FRMD4A: variants seen among roughly 807,000 people sequenced by gnomAD.
FRMD4A encodes the protein FERM domain-containing protein 4A.
Under a neutral mutation model 129.1 loss-of-function variants are expected in FRMD4A, and 29 were observed. The ratio of observed to expected loss-of-function variants is 0.22; its 90% CI spans 0.17 to 0.31. The LOEUF (loss-of-function observed/expected upper bound fraction) is 0.31. Ranked by LOEUF, FRMD4A falls within the 10% of genes least tolerant of loss-of-function variation. FRMD4A has a pLI of 1.00. For missense variants in FRMD4A, 1,272 were observed against 1,375.8 expected (o/e 0.92, Z 1.19); for synonymous variants, 634 against 571.6 (o/e 1.11, Z -1.56).
intron 8 of FRMD4A, among the ~76,000 whole-genome samples, chr10:13,750,069 G>GAAGGAAGAAAGAAAGA (rs1382966135): frequency 1.4e-3 from 80 of 55,638 alleles, no homozygotes; most frequent in South Asian, 4.9e-3. Context: ...AGGAAGGAAG[G>GAAGGAAGAAAGAAAGA]AAGAAAGAAA....
Position 13,738,084 on chromosome 10 carries a change from G to A in FRMD4A, c.673-154C>T, listed in dbSNP as rs149310294. Among the ~76,000 whole-genome samples, 560 of 152,236 alleles carry A rather than the reference G, an allele frequency of 3.7e-3. 3 individuals are homozygous for A. Among genetic ancestry groups the A allele is most frequent in the Non-Finnish European group, 6.3e-3 (429 of 68,030 alleles). ...GTCTACTTTGTTTCTTAACAGATGCGTCTGTCATTGAAGGATACTCTGTTA... is the reference window on the plus strand; with the variant it reads ...GTCTACTTTGTTTCTTAACAGATGCATCTGTCATTGAAGGATACTCTGTTA... On this transcript the variant is annotated intron_variant, in intron 11 of 24. Transcript: ENST00000357447.
Position 14,061,642 on chromosome 10 carries a change from T to A in FRMD4A, c.46-202730A>T, listed in dbSNP as rs192842569. On this transcript the variant is annotated intron_variant, in intron 2 of 24. Coordinates refer to ENST00000357447, the MANE Select transcript of FRMD4A (RefSeq NM_018027.5). ...ACTGATTTCTGATTTCTGTTCAGTG[T>A]CTAGCCCATTCTGGCTAAATGAAAC... is the stretch of plus-strand genomic sequence containing the variant. 1.9e-3 allele frequency among the ~76,000 whole-genome samples: 287 copies of A among 152,302 alleles called. 1 individual carries two copies. The highest frequency in any genetic ancestry group is 5.9e-3 in the African/African-American group (244 of 41,568).
chr10:14,053,435 A>C (rs1328868152), intron 2 of FRMD4A, among the ~76,000 whole-genome samples: 1 of 152,140 alleles, frequency 6.6e-6, no homozygotes, highest in Non-Finnish European at 1.5e-5. Context: ...TTAAAGCTTT[A>C]CTATCAGCAC....
intron 24 of FRMD4A, chr10:13,649,482 TCAGGTGGCTCCTAGAGGAGCCG>T (rs1341110062): frequency 1.6e-5 from 2 of 128,578 alleles, no homozygotes; most frequent in Non-Finnish European, 3.7e-5. Flanking sequence ...GGTTTGGTTC[TCAGGTGGCTCCTAGAGGAGCCG>T]CAGTATGGAA....
chr10:13,927,686 C>G (rs1167031862), intron 2 of FRMD4A, among the ~76,000 whole-genome samples: 1 of 152,194 alleles, frequency 6.6e-6, no homozygotes, highest in East Asian at 1.9e-4. Context: ...AATGCCAGAA[C>G]TATAAATTCT....
chr10:13,794,734 T>C (rs1274339657), intron 5 of FRMD4A, among the ~76,000 whole-genome samples: 2 of 152,220 alleles, frequency 1.3e-5, no homozygotes, highest in African/African-American at 4.8e-5. Context: ...CTAAGGAGTG[T>C]TCTTTGAGGT....
chr10:14,286,467 C>G (rs908912516), intron 2 of FRMD4A, among the ~76,000 whole-genome samples: 1 of 152,060 alleles, frequency 6.6e-6, no homozygotes, highest in African/African-American at 2.4e-5. Context: ...GCTGCTCTTT[C>G]TTAAGTAGTG....
chr10:14,115,142 G>A (rs1311471579), intron 2 of FRMD4A, among the ~76,000 whole-genome samples: 1 of 152,194 alleles, frequency 6.6e-6, no homozygotes, highest in East Asian at 1.9e-4. Context: ...CTGGAAGCTT[G>A]CAGTCTAGAG....
At chr10:13,962,515 ACTCT>A (rs2095452328) in intron 2 of FRMD4A, among the ~76,000 whole-genome samples, 1 of 152,138 alleles carries the variant, frequency 6.6e-6, no homozygotes, top group South Asian at 2.1e-4. Context: ...AAGAAAATAG[ACTCT>A]CTATTTAGTG....
chr10:14,214,693 A>G (rs1843021431), intron 2 of FRMD4A, among the ~76,000 whole-genome samples: 1 of 152,162 alleles, frequency 6.6e-6, no homozygotes. Flanking sequence ...CCTATTTTCT[A>G]TAGATAATCT....
chr10:14,051,440 C>T (rs961712976), intron 2 of FRMD4A, among the ~76,000 whole-genome samples: 1 of 152,152 alleles, frequency 6.6e-6, no homozygotes, highest in African/African-American at 2.4e-5. Context: ...AATCACGTTC[C>T]ATAAGAGAAA....
intron 3 of FRMD4A, among the ~76,000 whole-genome samples, chr10:13,823,246 C>T (rs1180805588): frequency 1.3e-5 from 2 of 152,116 alleles, no homozygotes; most frequent in African/African-American, 4.8e-5. Context: ...ATTCATGATC[C>T]CCGGGGGACT....
chr10:14,093,478 T>G (rs1836771196), intron 2 of FRMD4A, among the ~76,000 whole-genome samples: 1 of 152,140 alleles, frequency 6.6e-6, no homozygotes, highest in Non-Finnish European at 1.5e-5. Flanking sequence ...CAAAGAATAA[T>G]GACACTTAAA....
chr10:13,927,247 C>T (rs561870755), intron 2 of FRMD4A, among the ~76,000 whole-genome samples: 129 of 104,116 alleles, frequency 1.2e-3, no homozygotes, highest in African/African-American at 4.4e-3. Flanking sequence ...AGCAAGACTC[C>T]GTCTCAAAAA....
Position 13,657,261 on chromosome 10 carries a change from C to T in FRMD4A, c.2328G>A (p.Pro776=), listed in dbSNP as rs749247779. 2 of 1,598,944 alleles carry T rather than the reference C, an allele frequency of 1.3e-6. No homozygotes were observed. Among genetic ancestry groups the T allele is most frequent in the East Asian group, 2.3e-5 (1 of 44,360 alleles). Residue 776 remains proline, a synonymous_variant, in exon 22 of 25, where the codon CCG becomes CCA. Transcript: ENST00000357447. ...GCCTCTGCCTCTGGCGCGCCTTGGA[C>T]GGCGAGTCCTCGGCCAGCGTGGAGT... ...ANYSTLAEDS[P]SKARQRQRQR... is the part of the protein sequence containing the mutation.
At chr10:14,114,595 A>T (rs1443896248) in intron 2 of FRMD4A, among the ~76,000 whole-genome samples, 3 of 152,214 alleles carry the variant, frequency 2.0e-5, no homozygotes, top group Non-Finnish European at 4.4e-5. Flanking sequence ...TTTGACAATG[A>T]GGGAGGGGCG....
Position 14,176,466 on chromosome 10 carries a change from CTTTTTTTTT to C in FRMD4A, c.45+153583_45+153591del, listed in dbSNP as rs35347674. ...GAGAATCTCATTCCTTCACCTCCAT[CTTTTTTTTT>C]TTTTTTTTTTTTTTTTTGAGACGGA... On this transcript the variant is annotated intron_variant, in intron 2 of 24. Coordinates refer to ENST00000357447, the MANE Select transcript of FRMD4A (RefSeq NM_018027.5). Among the ~76,000 whole-genome samples the C allele has an allele frequency of 2.5e-4, 18 of 72,854 alleles. 1 individual carries two copies. The highest frequency in any genetic ancestry group is 4.2e-4 in the Non-Finnish European group (16 of 38,540). 47.8% of individuals were successfully genotyped at this position (72,854 alleles called of 152,430 possible).
At chr10:13,949,270 G>A (rs2131329806) in intron 2 of FRMD4A, among the ~76,000 whole-genome samples, 1 of 128,008 alleles carries the variant, frequency 7.8e-6, no homozygotes, top group South Asian at 2.5e-4. Context: ...GAATCTGTGA[G>A]ACGAGCTCCC....
chr10:14,075,798 A>G (rs1231211906), intron 2 of FRMD4A, among the ~76,000 whole-genome samples: 2 of 152,162 alleles, frequency 1.3e-5, no homozygotes, highest in African/African-American at 2.4e-5. Context: ...ATATATATAA[A>G]CCATTAATCT....
Sources: gnomAD v4.1 joint callset for allele counts (sites outside exome capture counted in the v4.1 genomes callset) on GRCh38, gnomAD v4.1.1 for gene constraint, MANE v1.5 for transcripts, NCBI Gene and HGNC (gene_info 2026-07-23, HGNC 2026-07-21) for gene names.